The following CELF2 variants were observed in gnomAD, a reference collection of about 807,000 sequenced individuals.
CELF2 encodes the protein CUGBP Elav-like family member 2, also known as CUG triplet repeat RNA-binding protein 2.
Under a neutral mutation model 62.6 loss-of-function variants are expected in CELF2, and 8 were observed. That is an observed-to-expected ratio of 0.13 (90% CI 0.07 to 0.23). CELF2 has a LOEUF of 0.23. Among genes scored for constraint, CELF2 ranks in the 10% least tolerant of loss-of-function variants. The probability of loss-of-function intolerance (pLI) is 1.00; values close to 1 mark genes in which losing one functional copy is unlikely to be tolerated. For synonymous variants in CELF2, 258 were observed against 250.0 expected (o/e 1.03, Z -0.30); for missense variants, 333 against 671.0 (o/e 0.50, Z 5.56).
chr10:10,466,919 T>C, the CELF2 span, among the ~76,000 whole-genome samples: 1 of 152,010 alleles, frequency 6.6e-6, no homozygotes, highest in Non-Finnish European at 1.5e-5. Flanking sequence ...GTAGGAGTTA[T>C]TTTTTCTCCT....
At chr10:11,134,045 CT>C (rs1334231689) in intron 1 of CELF2, among the ~76,000 whole-genome samples, 2 of 152,170 alleles carry the variant, frequency 1.3e-5, no homozygotes, top group Admixed American at 6.5e-5. Flanking sequence ...TTTGCATAGA[CT>C]GTAAATGACT....
the CELF2 span, among the ~76,000 whole-genome samples, chr10:10,754,296 C>T: frequency 6.6e-6 from 1 of 151,776 alleles, no homozygotes; most frequent in African/African-American, 2.4e-5. Flanking sequence ...AAGTACGTGC[C>T]TCGATGCCTG....
At chr10:11,111,122 A>G (rs755731500) in intron 1 of CELF2, among the ~76,000 whole-genome samples, 10 of 152,178 alleles carry the variant, frequency 6.6e-5, no homozygotes, top group Non-Finnish European at 1.3e-4. Context: ...GGATGAGATA[A>G]TAATATGTGG....
rs111557634 is a variant in CELF2, at chr10:10,982,214, C to T, written c.89+62215C>T. 1.3e-3 allele frequency among the ~76,000 whole-genome samples: 194 copies of T among 152,098 alleles called. 1 individual carries two copies. The East Asian group carries it at 0.029, about 23-fold the overall frequency. ...AGGTGATCCACCCACCTCAGCCTCC[C>T]GAAGTGCTGGGATTACAGGTGTGAG... On this transcript the variant is annotated intron_variant, in intron 2 of 13. Transcript: ENST00000636488.
At chr10:10,707,464 G>A in the CELF2 span, among the ~76,000 whole-genome samples, 2 of 152,166 alleles carry the variant, frequency 1.3e-5, no homozygotes, top group Non-Finnish European at 2.9e-5. Context: ...CTAAATATTT[G>A]AATGGTGACA....
At chr10:11,226,053 G>C (rs2136199032) in intron 3 of CELF2, among the ~76,000 whole-genome samples, 1 of 152,308 alleles carries the variant, frequency 6.6e-6, no homozygotes, top group East Asian at 1.9e-4. Flanking sequence ...TAGGTGTCAT[G>C]CTCACTGCAT....
chr10:10,810,819 C>A (rs527597685), intron 1 of CELF2, among the ~76,000 whole-genome samples: 87 of 152,286 alleles, frequency 5.7e-4, no homozygotes, highest in Non-Finnish European at 1.1e-3. Flanking sequence ...AGCTTCCAGT[C>A]AGCAGGAGTT....
the CELF2 span, among the ~76,000 whole-genome samples, chr10:10,732,016 AG>A: frequency 6.6e-6 from 1 of 152,250 alleles, no homozygotes. Flanking sequence ...GCAGACCACC[AG>A]ATGGTTACAA....
chr10:10,581,256 A>T, the CELF2 span, among the ~76,000 whole-genome samples: 2 of 152,220 alleles, frequency 1.3e-5, no homozygotes, highest in South Asian at 4.1e-4. Flanking sequence ...TAGTTTAAGT[A>T]CAACCTTTAG....
intron 1 of CELF2, among the ~76,000 whole-genome samples, chr10:11,043,838 A>C (rs912350518): frequency 6.6e-6 from 1 of 152,158 alleles, no homozygotes; most frequent in African/African-American, 2.4e-5. Context: ...CGGATCCCCC[A>C]GTGGCTTCCT....
In CELF2 at chr10:11,233,813, G is replaced by T. The variant is rs189835512; in HGVS notation, c.355-15340G>T. On this transcript the variant is annotated intron_variant, in intron 3 of 12. Transcript: ENST00000633077. The stretch of plus-strand genomic sequence containing the variant: ...TGGGACTCACCAGTTGTCATTAGGG[G>T]TAATAAAGGCACAGCAAGGGTGAGG... Among the ~76,000 whole-genome samples, 292 of 152,308 alleles carry T rather than the reference G, an allele frequency of 1.9e-3. 1 individual carries two copies. The highest frequency in any genetic ancestry group is 6.7e-3 in the African/African-American group (277 of 41,568).
chr10:10,815,904 GTT>G (rs33926226), intron 1 of CELF2, among the ~76,000 whole-genome samples: 8 of 132,614 alleles, frequency 6.0e-5, no homozygotes, highest in Non-Finnish European at 8.1e-5. Context: ...GGTTTGGGTT[GTT>G]TTTTTTTTTT....
chr10:10,900,662 T>C (rs893107561), intron 1 of CELF2, among the ~76,000 whole-genome samples: 3 of 152,118 alleles, frequency 2.0e-5, no homozygotes, highest in Admixed American at 1.3e-4. Context: ...AACTAGACAG[T>C]GAGTCTGCCC....
intron 1 of CELF2, among the ~76,000 whole-genome samples, chr10:11,100,426 T>C (rs889404647): frequency 2.0e-5 from 3 of 151,888 alleles, no homozygotes; most frequent in Non-Finnish European, 2.9e-5. Flanking sequence ...GTTACATGGA[T>C]AAGTCCTTAA....
chr10:10,624,165 C>T, the CELF2 span, among the ~76,000 whole-genome samples: 10 of 152,168 alleles, frequency 6.6e-5, no homozygotes, highest in East Asian at 1.9e-4. Flanking sequence ...TCCCTGTCTC[C>T]GTGGCCTCCG....
chr10:10,810,733 A>T (rs551334007), intron 1 of CELF2, among the ~76,000 whole-genome samples: 1 of 152,260 alleles, frequency 6.6e-6, no homozygotes, highest in South Asian at 2.1e-4. Flanking sequence ...TTCCCAAAGA[A>T]ACCACTAAAG....
chr10:10,950,475 G>A (rs775247491), intron 2 of CELF2, among the ~76,000 whole-genome samples: 3 of 152,120 alleles, frequency 2.0e-5, no homozygotes, highest in Non-Finnish European at 2.9e-5. Context: ...AAGTGATACC[G>A]TTCTTAATGT....
the CELF2 span, among the ~76,000 whole-genome samples, chr10:10,573,351 A>C: frequency 6.6e-6 from 1 of 152,110 alleles, no homozygotes; most frequent in African/African-American, 2.4e-5. Context: ...GAAGCTCTTT[A>C]ATTAGATCCT....
chr10:10,564,021 A>G, the CELF2 span, among the ~76,000 whole-genome samples: 1 of 152,218 alleles, frequency 6.6e-6, no homozygotes, highest in East Asian at 1.9e-4. Context: ...TTTTCTCATT[A>G]AAAAGTGCAA....
Sources: allele counts gnomAD v4.1 joint callset (sites outside exome capture counted in the v4.1 genomes callset), GRCh38; gene constraint gnomAD v4.1.1; transcripts MANE v1.5; gene names NCBI Gene and HGNC (gene_info 2026-07-23, HGNC 2026-07-21).